SMG5: variants seen among roughly 807,000 people sequenced by gnomAD.
SMG5 encodes the protein SMG5 nonsense mediated mRNA decay factor.
Under a neutral mutation model 122.9 loss-of-function variants are expected in SMG5, and 53 were observed. That is an observed-to-expected ratio of 0.43 (90% confidence interval 0.35 to 0.54). The LOEUF (loss-of-function observed/expected upper bound fraction) is 0.54. Ranked by LOEUF, SMG5 falls within the 20% of genes least tolerant of loss-of-function variation. The probability of loss-of-function intolerance (pLI) is 0.01; values close to 1 mark genes in which losing one functional copy is unlikely to be tolerated. For synonymous variants in SMG5, 477 were observed against 490.2 expected (o/e 0.97, Z 0.35); for missense variants, 1,153 against 1,285.6 (o/e 0.90, Z 1.58).
chr1:156,274,685 TC>T lies in SMG5; in HGVS notation c.455del (p.Gly152AspfsTer37), dbSNP rs1330214329. ...CTGAGGCAGACACTGGCTTCTTGCA[TC>T]CTATGAGACAAAGAGAAAGAGATTT... ...DWTHVTDPLI[G>X]CKKPVSASGK... is the part of the protein sequence containing the mutation. On this transcript the variant is annotated frameshift_variant and splice_region_variant, in exon 5 of 22. Coordinates refer to ENST00000361813, the MANE Select transcript of SMG5 (RefSeq NM_015327.3). LOFTEE classifies it high-confidence loss of function. The T allele has an allele frequency of 6.2e-7, 1 of 1,613,446 alleles. No individual in the cohort carries two copies.
Position 156,266,573 on chromosome 1 carries a change from T to A in SMG5, c.1223A>T (p.Asn408Ile), listed in dbSNP as rs771910369. ...ATCACTCTGGAATGCCGGGACGGGA[T>A]TCTCGCCCTCTTCCAGCTCAGCCTG... ...RLQAELEEGE[N>I]PVPAFQSDGT... Residue 408 changes from asparagine to isoleucine, a missense_variant, in exon 11 of 22, where the codon AAT becomes ATT. Coordinates refer to ENST00000361813, the MANE Select transcript of SMG5 (RefSeq NM_015327.3). The A allele has an allele frequency of 6.2e-7, 1 of 1,614,178 alleles. No individual in the cohort carries two copies. Among genetic ancestry groups the A allele is most frequent in the Non-Finnish European group, 8.5e-7 (1 of 1,180,038 alleles).
intron 9 of SMG5, 99 bp downstream of exon 9, chr1:156,268,016 G>T: frequency 8.1e-7 from 1 of 1,239,074 alleles, no homozygotes; most frequent in Non-Finnish European, 1.2e-6. Context: ...TTCAAACTGA[G>T]GGCAGAACTC....
At chr1:156,268,600 G>A (rs753008657) in intron 7 of SMG5, among the ~76,000 whole-genome samples, 185 bp from the exon 8 acceptor site, 27 of 152,140 alleles carry the variant, frequency 1.8e-4, no homozygotes, top group Non-Finnish European at 3.5e-4. Context: ...ATAACTTCTA[G>A]ATTAGTCAGA....
At position 156,266,385 on chromosome 1, in the gene SMG5, G is replaced by T. The variant is rs201672474; in HGVS notation, c.1256-5C>A. 24 of 1,608,752 alleles carry T rather than the reference G, an allele frequency of 1.5e-5. No homozygotes were observed. Among genetic ancestry groups the T allele is most frequent in the Non-Finnish European group, 2.0e-5 (24 of 1,176,410 alleles). ...GTTCCTTGGACTCTGGTTCATCTGCGGAAAGAGGAAGGTCAGGTGGAGCCC... is the reference window on the plus strand; with the variant it reads ...GTTCCTTGGACTCTGGTTCATCTGCTGAAAGAGGAAGGTCAGGTGGAGCCC... On this transcript the variant is annotated splice_region_variant and splice_polypyrimidine_tract_variant and intron_variant, in intron 11 of 21. Coordinates refer to ENST00000361813, the MANE Select transcript of SMG5 (RefSeq NM_015327.3).
chr1:156,254,027 G>A (rs961250114), intron 16 of SMG5, among the ~76,000 whole-genome samples: 4 of 152,306 alleles, frequency 2.6e-5, no homozygotes, highest in Middle Eastern at 3.4e-3. Context: ...CCCTAGCCTA[G>A]TAAATAAACC....
chr1:156,253,316 T>C, intron 17 of SMG5, 133 bp downstream of exon 17: 2 of 991,434 alleles, frequency 2.0e-6, no homozygotes. Flanking sequence ...GTAAGGAGGG[T>C]CATCTGGGAG....
At position 156,266,215 on chromosome 1, in the gene SMG5, AG is replaced by A; in HGVS notation, c.1420del (p.Leu474Ter). ...HPPKVGDDSD[L>X]SEGFESDSSH... ...TGAGTCCGATTCAAAGCCTTCACTC[AG>A]GTCACTGTCATCACCAACTTTGGGT... On this transcript the variant is annotated frameshift_variant, in exon 12 of 22. Transcript: ENST00000361813. LOFTEE classifies it high-confidence loss of function. 6.2e-7 allele frequency: 1 copy of A among 1,614,192 alleles called. No individual in the cohort carries two copies. Among genetic ancestry groups the A allele is most frequent in the Non-Finnish European group, 8.5e-7 (1 of 1,180,034 alleles).
upstream of SMG5, chr1:156,286,225 T>C (rs749492588): frequency 6.2e-7 from 1 of 1,607,410 alleles, no homozygotes; most frequent in East Asian, 2.2e-5. Context: ...TCCCCTGCCT[T>C]TTCTGACCCT....
At chr1:156,282,549 C>A in intron 1 of SMG5, 58 bp downstream of exon 1, 1 of 1,535,710 alleles carries the variant, frequency 6.5e-7, no homozygotes. Flanking sequence ...GGAGGCCCCG[C>A]CCCTCGCCGT....
Position 156,280,836 on chromosome 1 carries a change from G to A in SMG5, c.74+1771C>T, listed in dbSNP as rs112334078. On this transcript the variant is annotated intron_variant, in intron 1 of 21. Coordinates refer to ENST00000361813, the MANE Select transcript of SMG5 (RefSeq NM_015327.3). Reference sequence around the variant, plus strand: ...AGAACAAAAACTACAAAATCTAGCCGTGTGTTTCATTCACTATTGTACTCT... The same window carrying A: ...AGAACAAAAACTACAAAATCTAGCCATGTGTTTCATTCACTATTGTACTCT... Among the ~76,000 whole-genome samples the A allele has an allele frequency of 4.6e-5, 7 of 152,248 alleles. 1 individual carries two copies. Among genetic ancestry groups the A allele is most frequent in the African/African-American group, 1.4e-4 (6 of 41,528 alleles).
In SMG5 at chr1:156,281,089, C is replaced by G. The variant is rs184258205; in HGVS notation, c.74+1518G>C. ...ACACATTTATCTTGAGCAGAGAAAT[C>G]AGACTTTCCTCCTAGTTCCTTCCAC... On this transcript the variant is annotated intron_variant, in intron 1 of 21. Coordinates refer to ENST00000361813, the MANE Select transcript of SMG5 (RefSeq NM_015327.3). Among the ~76,000 whole-genome samples, 23 of 152,266 alleles carry G rather than the reference C, an allele frequency of 1.5e-4. No individual in the cohort carries two copies. The East Asian group carries it at 3.9e-3, about 25-fold the overall frequency.
chr1:156,272,612 G>A (rs1037879087), intron 6 of SMG5, among the ~76,000 whole-genome samples: 2 of 151,034 alleles, frequency 1.3e-5, no homozygotes, highest in Non-Finnish European at 2.9e-5. Flanking sequence ...TCGCTCTGTC[G>A]CCCAGGCTGG....
In SMG5 at chr1:156,266,663, C is replaced by T; in HGVS notation, c.1133G>A (p.Ser378Asn). ...SLERAGSKQY[S>N]AAIAFTLALF... Reference sequence around the variant, plus strand: ...GGCCAGGGTGAAGGCAATGGCTGCACTGTACTGCTTGGATCCTGAAGTCAG... The same window carrying T: ...GGCCAGGGTGAAGGCAATGGCTGCATTGTACTGCTTGGATCCTGAAGTCAG... The change falls in exon 11 of 22, where the codon AGT becomes AAT. Residue 378 changes from serine to asparagine, a missense_variant. Physicochemically the swap from Ser to Asn is conservative, Grantham distance 46. This residue lies in a region of SMG5 where 631 missense variants were observed against 650.6 expected (regional missense o/e 0.97). Transcript: ENST00000361813. 6.2e-7 allele frequency: 1 copy of T among 1,614,190 alleles called. No homozygotes were observed. The highest frequency in any genetic ancestry group is 8.5e-7 in the Non-Finnish European group (1 of 1,180,034).
chr1:156,267,662 G>A lies in SMG5; in HGVS notation c.925C>T (p.Leu309=). The A allele has an allele frequency of 1.2e-5, 19 of 1,610,536 alleles. No individual in the cohort carries two copies. The highest frequency in any genetic ancestry group is 1.6e-5 in the Non-Finnish European group (19 of 1,178,872). ...AGGACTGACTGGCAAAGTGAGGTCA[G>A]CTCTGAGTCCACGGAGCTACAGAGG... ...QPKSSSVDSE[L]TSLCQSVLED... The change falls in exon 10 of 22, where the codon CTG becomes TTG. Residue 309 remains leucine, a synonymous_variant. Transcript: ENST00000361813.
chr1:156,281,787 A>G (rs1451323809), intron 1 of SMG5, among the ~76,000 whole-genome samples: 1 of 152,150 alleles, frequency 6.6e-6, no homozygotes, highest in African/African-American at 2.4e-5. Flanking sequence ...GTTCCAGTTG[A>G]CCTACCCAAC....
At chr1:156,273,718 C>CTTTT (rs748042052) in intron 5 of SMG5, among the ~76,000 whole-genome samples, 8 of 116,334 alleles carry the variant, frequency 6.9e-5, no homozygotes, top group Non-Finnish European at 1.2e-4. Flanking sequence ...GTTTTGTTTT[C>CTTTT]TTTTTTTTTT....
rs1443004994 is a variant in SMG5, at chr1:156,278,991, T to G, written c.118A>C (p.Asn40His). Reference sequence around the variant, plus strand: ...AATACTTCTTGATAAGCAGTTTTGTTGCAAAGGATGAGGTCAAGTCGATGC... The same window carrying G: ...AATACTTCTTGATAAGCAGTTTTGTGGCAAAGGATGAGGTCAAGTCGATGC... ...AVHRLDLILCNKTAYQEVFKP... is the reference protein window; with the variant it reads ...AVHRLDLILCHKTAYQEVFKP... Residue 40 changes from asparagine (N) to histidine (H), a missense_variant, in exon 2 of 22, where the codon AAC (asparagine) becomes CAC (histidine). Physicochemically the swap from Asn to His is moderately conservative, Grantham distance 68. Coordinates refer to ENST00000361813, the MANE Select transcript of SMG5 (RefSeq NM_015327.3). 25 of 1,614,196 alleles carry G rather than the reference T, an allele frequency of 1.5e-5. No homozygotes were observed. The highest frequency in any genetic ancestry group is 1.8e-5 in the Non-Finnish European group (21 of 1,180,044).
intron 21 of SMG5, 22 bp downstream of exon 21, chr1:156,250,836 C>T (rs1171982397): frequency 6.2e-7 from 1 of 1,612,954 alleles, no homozygotes; most frequent in Admixed American, 1.7e-5. Context: ...CACACCATCC[C>T]CCCACCTCAC....
At chr1:156,260,758 G>A (rs926159566) in intron 14 of SMG5, 132 bp from the exon 15 acceptor site, 10 of 723,168 alleles carry the variant, frequency 1.4e-5, no homozygotes, top group Non-Finnish European at 2.1e-5. Context: ...ACAGTGCGGA[G>A]AGATGGAGGG....
Sources: gnomAD v4.1 joint callset for allele counts (sites outside exome capture counted in the v4.1 genomes callset) on GRCh38, gnomAD v4.1.1 for gene constraint, gnomAD v4.1.1 regional missense constraint, MANE v1.5 for transcripts, NCBI Gene and HGNC (gene_info 2026-07-23, HGNC 2026-07-21) for gene names.